FANCC: variants seen among roughly 807,000 people sequenced by gnomAD.
FANCC encodes Fanconi anemia group C protein.
In FANCC, 55 loss-of-function variants were observed where a neutral mutation model predicts 71.3. The observed-to-expected ratio is 0.77, with a 90% confidence interval of 0.62 to 0.97. The LOEUF is 0.97. Among genes scored for constraint, FANCC ranks in the 50% least tolerant of loss-of-function variants. The probability of loss-of-function intolerance (pLI) is 0.00; values close to 1 mark genes in which losing one functional copy is unlikely to be tolerated. For missense variants in FANCC, 678 were observed against 670.9 expected (o/e 1.01, Z -0.12); for synonymous variants, 275 against 244.9 (o/e 1.12, Z -1.15).
At chr9:95,164,922 T>C (rs955188964) in intron 6 of FANCC, among the ~76,000 whole-genome samples, 3 of 152,152 alleles carry the variant, frequency 2.0e-5, no homozygotes, top group Admixed American at 6.5e-5. Context: ...CTGGTTTTTT[T>C]CTTTGTTGGA....
At position 95,172,085 on chromosome 9, in the gene FANCC, T is replaced by G; in HGVS notation, c.408A>C (p.Gln136His). The G allele has an allele frequency of 6.2e-7, 1 of 1,613,360 alleles. No individual in the cohort carries two copies. ...AATCTATAGGTGCATACCCAAGACC[T>G]TGAGTGAAAAGAGCAACTTCTTTAT... ...RFDKEVALFT[Q>H]GLGYAPIDYY... is the part of the protein sequence containing the mutation. Residue 136 changes from glutamine (Q) to histidine (H), a missense_variant, in exon 5 of 15, where the codon CAA becomes CAC. Physicochemically the swap from Gln to His is conservative, Grantham distance 24. Coordinates refer to ENST00000289081, the MANE Select transcript of FANCC (RefSeq NM_000136.3).
rs772992002 is a variant in FANCC, at chr9:95,125,166, C to T, written c.916G>A (p.Asp306Asn). ...EMFRCALLET[D>N]GALEIIATIQ... ...GTGGCTATGATTTCCAGGGCCCCAT[C>T]GGTTTCCAGGAGTGCACACCTGAAC... Residue 306 changes from aspartate to asparagine, a missense_variant, in exon 10 of 15, where the codon GAT (aspartate) becomes AAT (asparagine). Coordinates refer to ENST00000289081, the MANE Select transcript of FANCC (RefSeq NM_000136.3). 5.6e-6 allele frequency: 9 copies of T among 1,614,022 alleles called. No individual in the cohort carries two copies. The highest frequency in any genetic ancestry group is 5.5e-5 in the South Asian group (5 of 91,078).
chr9:95,270,930 A>C (rs1380946127), intron 1 of FANCC, among the ~76,000 whole-genome samples: 1 of 152,174 alleles, frequency 6.6e-6, no homozygotes, highest in Non-Finnish European at 1.5e-5. Flanking sequence ...GGAGAGGAGC[A>C]GTCACCTCTC....
intron 13 of FANCC, chr9:95,110,291 A>C: frequency 9.9e-7 from 1 of 1,013,246 alleles, no homozygotes. Context: ...TAACCTTTTG[A>C]CTGTGATGGA....
At chr9:95,310,300 G>A (rs1224430403) in intron 1 of FANCC, among the ~76,000 whole-genome samples, 2 of 151,936 alleles carry the variant, frequency 1.3e-5, no homozygotes, top group South Asian at 2.1e-4. Flanking sequence ...CCAGGAGTTT[G>A]AGGCTGCAGT....
At chr9:95,252,618 C>T (rs1052615455) in intron 1 of FANCC, among the ~76,000 whole-genome samples, 2 of 151,414 alleles carry the variant, frequency 1.3e-5, no homozygotes, top group Non-Finnish European at 2.9e-5. Context: ...TGGTGGTGGG[C>T]GCCTATAGTC....
At position 95,101,640 on chromosome 9, in the gene FANCC, T is replaced by C. The variant is rs934624909; in HGVS notation, c.*67A>G. Reference sequence around the variant, plus strand: ...TCCACAAATGCGTGGCCACAGGTCATCACCTGTCCTGTGGCCCTGGCGAGC... The same window carrying C: ...TCCACAAATGCGTGGCCACAGGTCACCACCTGTCCTGTGGCCCTGGCGAGC... On this transcript the variant is annotated 3_prime_UTR_variant, in exon 15 of 15. Coordinates refer to ENST00000289081, the MANE Select transcript of FANCC (RefSeq NM_000136.3). 23 of 1,591,794 alleles carry C rather than the reference T, an allele frequency of 1.4e-5. No homozygotes were observed. Among genetic ancestry groups the C allele is most frequent in the Middle Eastern group, 2.1e-4 (1 of 4,682 alleles).
chr9:95,172,227 T>G (rs1825734002), intron 4 of FANCC, 80 bp from the exon 5 acceptor site: 1 of 872,736 alleles, frequency 1.1e-6, no homozygotes, highest in Admixed American at 2.0e-5. Context: ...TACAATTTAT[T>G]TGTACATGGG....
At chr9:95,155,824 T>C (rs1322828891) in intron 6 of FANCC, among the ~76,000 whole-genome samples, 6 of 152,020 alleles carry the variant, frequency 3.9e-5, no homozygotes, top group Non-Finnish European at 1.5e-5. Flanking sequence ...GCTCAAGCGA[T>C]GCTCCCACCT....
At chr9:95,208,655 T>C (rs1283240451) in intron 4 of FANCC, among the ~76,000 whole-genome samples, 1 of 152,164 alleles carries the variant, frequency 6.6e-6, no homozygotes, top group African/African-American at 2.4e-5. Flanking sequence ...GCACATTATA[T>C]GTCCTCAGGG....
intron 7 of FANCC, among the ~76,000 whole-genome samples, chr9:95,138,309 TG>T (rs1165205638): frequency 6.6e-6 from 1 of 152,172 alleles, no homozygotes; most frequent in African/African-American, 2.4e-5. Context: ...CTTTACTGGG[TG>T]GGCCAGACGC....
intron 4 of FANCC, among the ~76,000 whole-genome samples, chr9:95,224,378 T>C (rs1301529289): frequency 2.0e-5 from 3 of 152,176 alleles, no homozygotes; most frequent in African/African-American, 7.2e-5. Flanking sequence ...CCATTTAAGT[T>C]CTCTCACCTA....
chr9:95,302,056 T>C (rs1057145129), intron 1 of FANCC, among the ~76,000 whole-genome samples: 7 of 122,582 alleles, frequency 5.7e-5, no homozygotes, highest in African/African-American at 2.2e-4. Flanking sequence ...CACTCCAGCC[T>C]GGGAGACAGA....
In FANCC at chr9:95,261,071, G is replaced by A. The variant is rs539875494; in HGVS notation, c.-78-11702C>T. Among the ~76,000 whole-genome samples, 3 of 152,284 alleles carry A rather than the reference G, an allele frequency of 2.0e-5. No homozygotes were observed. The South Asian group carries it at 6.2e-4, about 32-fold the overall frequency. ...TACGGCTACTGCTTTGCCCCAGAGG[G>A]CTTTGTCACAAAGAGGGAGAGACGT... On this transcript the variant is annotated intron_variant, in intron 1 of 14. Transcript: ENST00000289081.
chr9:95,158,530 ATTATCT>A (rs905468138), intron 6 of FANCC, among the ~76,000 whole-genome samples: 2 of 152,222 alleles, frequency 1.3e-5, no homozygotes, highest in African/African-American at 2.4e-5. Context: ...TTGGCAAAAA[ATTATCT>A]TTATGAGAAT....
intron 1 of FANCC, among the ~76,000 whole-genome samples, chr9:95,257,126 C>T (rs1019837061): frequency 1.3e-5 from 2 of 152,098 alleles, no homozygotes; most frequent in Admixed American, 6.5e-5. Flanking sequence ...GACAGATCAA[C>T]GAGACAGAAA....
chr9:95,240,730 T>G lies in FANCC; in HGVS notation c.264A>C (p.Lys88Asn). 1 of 1,611,448 alleles carries G rather than the reference T, an allele frequency of 6.2e-7. No homozygotes were observed. Among genetic ancestry groups the G allele is most frequent in the Non-Finnish European group, 8.5e-7 (1 of 1,178,298 alleles). Residue 88 changes from lysine (K) to asparagine (N), a missense_variant, in exon 4 of 15, where the codon AAA (lysine) becomes AAC (asparagine). Lys to Asn is a moderately conservative substitution (Grantham distance 94). Transcript: ENST00000289081. ...PFILAYDESQ[K>N]ILIWCLCCLI... Reference sequence around the variant, plus strand: ...GACAACATAAGCACCATATTAGAATTTTTTGGCTTTCATCTACAAAAAGGA... The same window carrying G: ...GACAACATAAGCACCATATTAGAATGTTTTGGCTTTCATCTACAAAAAGGA...
Position 95,100,302 on chromosome 9 carries a change from T to G in FANCC, c.*1405A>C, listed in dbSNP as rs1265314519. 1 of 232,654 alleles carries G rather than the reference T, an allele frequency of 4.3e-6. No individual in the cohort carries two copies. Among genetic ancestry groups the G allele is most frequent in the Non-Finnish European group, 8.5e-6 (1 of 117,708 alleles). The allele number at this position is 232,654 out of a possible 1,614,324, so 14.4% of individuals were successfully genotyped here. ...AAAATACTTTACCAGCACACCCTTC[T>G]GACTGCAGCATTTCTCAGAAGAAAG... On this transcript the variant is annotated 3_prime_UTR_variant, in exon 15 of 15. Transcript: ENST00000289081.
chr9:95,223,911 A>G (rs1321387401), intron 4 of FANCC, among the ~76,000 whole-genome samples: 1 of 152,208 alleles, frequency 6.6e-6, no homozygotes, highest in East Asian at 1.9e-4. Context: ...CGGGAGGCAG[A>G]AGTGGTGGTG....
Sources: gnomAD v4.1 joint callset for allele counts (sites outside exome capture counted in the v4.1 genomes callset) on GRCh38, gnomAD v4.1.1 for gene constraint, MANE v1.5 for transcripts, NCBI Gene and HGNC (gene_info 2026-07-23, HGNC 2026-07-21) for gene names.